Variants in STAP2 observed in about 807,000 individuals in gnomAD.
STAP2 encodes the protein signal transducing adaptor family member 2, also known as signal-transducing adaptor protein 2.
STAP2 carries 58 observed loss-of-function variants against 52.7 expected under a neutral mutation model. That is an observed-to-expected ratio of 1.10 (90% CI 0.89 to 1.37). The LOEUF is 1.37. Among genes scored for constraint, STAP2 ranks in the 40% most tolerant of loss-of-function variants. The probability of loss-of-function intolerance (pLI) is 0.00; values close to 1 mark genes in which losing one functional copy is unlikely to be tolerated. For missense variants in STAP2, 522 were observed against 519.4 expected (o/e 1.00, Z -0.05); for synonymous variants, 231 against 210.5 (o/e 1.10, Z -0.84).
chr19:4,333,368 C>T lies in STAP2; in HGVS notation c.297+326G>A, dbSNP rs62129310. 1.6e-4 allele frequency among the ~76,000 whole-genome samples: 24 copies of T among 151,640 alleles called. No individual in the cohort carries two copies. The East Asian group carries it at 1.8e-3, about 11-fold the overall frequency. On this transcript the variant is annotated intron_variant, in intron 3 of 12. Coordinates refer to ENST00000594605, the MANE Select transcript of STAP2 (RefSeq NM_001013841.2). ...AAAATTAGCCAGGAGTGGTTGCGTG[C>T]GCCTGTAATCCCAGCTACTTGGGAG...
chr19:4,337,640 A>G (rs1972001131), intron 1 of STAP2, among the ~76,000 whole-genome samples: 1 of 151,774 alleles, frequency 6.6e-6, no homozygotes, highest in Non-Finnish European at 1.5e-5. Context: ...TGAGGTCAAG[A>G]GTTCAAGACC....
chr19:4,324,440 C>T lies in STAP2; in HGVS notation c.1147+15G>A. 2 of 1,553,658 alleles carry T rather than the reference C, an allele frequency of 1.3e-6. No homozygotes were observed. The highest frequency in any genetic ancestry group is 1.9e-5 in the Admixed American group (1 of 53,022). On this transcript the variant is annotated intron_variant, in intron 12 of 12. Transcript: ENST00000594605. ...CTGGGAAGCCCGCCCCGCACTGACCCCGCAGACCCCTTACCGGCTGTGGGG... is the reference window on the plus strand; with the variant it reads ...CTGGGAAGCCCGCCCCGCACTGACCTCGCAGACCCCTTACCGGCTGTGGGG...
At chr19:4,335,497 C>T (rs1375562284) in intron 1 of STAP2, among the ~76,000 whole-genome samples, 1 of 152,092 alleles carries the variant, frequency 6.6e-6, no homozygotes, top group Non-Finnish European at 1.5e-5. Flanking sequence ...CTCTCAGCCA[C>T]CATCAAGCCC....
rs764013581 is a variant in STAP2 at position 4,327,387 on chromosome 19, T to C, written c.591-2A>G. On this transcript the variant is annotated splice_acceptor_variant, in intron 6 of 12. Transcript: ENST00000594605. LOFTEE classifies it high-confidence loss of function. ...TTGTAATGCCGGACCACGTGCGTCC[T>C]GCACCAGGAGAAAGCGAGTGAGTGG... 2.5e-6 allele frequency: 4 copies of C among 1,614,058 alleles called. No homozygotes were observed. Among genetic ancestry groups the C allele is most frequent in the South Asian group, 2.2e-5 (2 of 91,078 alleles).
chr19:4,338,296 G>T lies in STAP2; in HGVS notation c.102+356C>A, dbSNP rs528874720. 111 of 163,170 alleles carry T rather than the reference G, an allele frequency of 6.8e-4. 3 individuals carry two copies. The South Asian group carries it at 0.019, about 27-fold the overall frequency. 10.1% of individuals were successfully genotyped at this position (163,170 alleles called of 1,614,324 possible). ...GCGGGAGGAAGCTCGGGAGTCAGAGGACTCCCCATTTCCTGGAGGAAGTCC... is the reference window on the plus strand; with the variant it reads ...GCGGGAGGAAGCTCGGGAGTCAGAGTACTCCCCATTTCCTGGAGGAAGTCC... On this transcript the variant is annotated intron_variant, in intron 1 of 12. Transcript: ENST00000594605.
chr19:4,328,733 G>T lies in STAP2; in HGVS notation c.532C>A (p.Arg178=). ...CCGTCGGCGCCGTCCCCGCTGGGCC[G>T]CAGCAGCAGGTTCCCGCACTCGGGG... is the stretch of plus-strand genomic sequence containing the variant. ...RYPECGNLLL[R]PSGDGADGVS... Residue 178 remains arginine, a synonymous_variant, in exon 6 of 13, where the codon CGG becomes AGG. Coordinates refer to ENST00000594605, the MANE Select transcript of STAP2 (RefSeq NM_001013841.2). The T allele has an allele frequency of 6.2e-7, 1 of 1,607,998 alleles. No homozygotes were observed. The highest frequency in any genetic ancestry group is 1.1e-5 in the South Asian group (1 of 90,384).
intron 2 of STAP2, 61 bp downstream of exon 2, chr19:4,333,912 G>A: frequency 6.2e-7 from 1 of 1,611,002 alleles, no homozygotes; most frequent in Non-Finnish European, 8.5e-7. Flanking sequence ...CATCTACATT[G>A]TCTGCTTGGT....
At chr19:4,330,818 C>A (rs1429485355) in intron 4 of STAP2, among the ~76,000 whole-genome samples, 1 of 150,518 alleles carries the variant, frequency 6.6e-6, no homozygotes, top group African/African-American at 2.4e-5. Context: ...GGGTTCAAGC[C>A]ATTCTCCTGC....
intron 1 of STAP2, among the ~76,000 whole-genome samples, chr19:4,335,195 A>ATCATCCATCCATCCCTCATCCATCCG (rs1971962688): frequency 2.8e-5 from 4 of 141,852 alleles, no homozygotes; most frequent in Non-Finnish European, 6.1e-5. Flanking sequence ...TCATCCATCC[A>ATCATCCATCCATCCCTCATCCATCCG]TCATCCATCC....
At position 4,325,397 on chromosome 19, in the gene STAP2, A is replaced by G. The variant is rs748588601; in HGVS notation, c.978T>C (p.Asp326=). The change falls in exon 10 of 13, where the codon GAT becomes GAC. Residue 326 remains aspartate (D), a splice_region_variant and synonymous_variant. Coordinates refer to ENST00000594605, the MANE Select transcript of STAP2 (RefSeq NM_001013841.2). ...DGPAVDYENQ[D]VASSSWPVIL... The stretch of plus-strand genomic sequence containing the variant: ...TCAGCAGCTCTGTTCCCCACCCACC[A>G]TCTTGGTTCTCATAGTCAACAGCTG... 5 of 1,613,812 alleles carry G rather than the reference A, an allele frequency of 3.1e-6. No homozygotes were observed. The African/African-American group carries it at 5.3e-5, about 17-fold the overall frequency.
chr19:4,329,962 AG>A lies in STAP2; in HGVS notation c.453del (p.Ser152ArgfsTer4), dbSNP rs768075471. 19 of 1,612,142 alleles carry A rather than the reference AG, an allele frequency of 1.2e-5. No individual in the cohort carries two copies. The highest frequency in any genetic ancestry group is 1.5e-5 in the Non-Finnish European group (18 of 1,179,222). On this transcript the variant is annotated frameshift_variant and splice_region_variant, in exon 5 of 13. Coordinates refer to ENST00000594605, the MANE Select transcript of STAP2 (RefSeq NM_001013841.2). LOFTEE classifies it high-confidence loss of function. Reference protein sequence around the residue: ...KEEARRALETPSCFLKVSRLE... With the variant: ...KEEARRALETXSCFLKVSRLE... ...CCTCGGGACAGGCGGGACACTCACG[AG>A]GGTGTCTCCAGTGCACGGCGCGCCT...
At chr19:4,338,579 GACA>G in intron 1 of STAP2, 70 bp downstream of exon 1, 1 of 1,175,524 alleles carries the variant, frequency 8.5e-7, no homozygotes, top group Non-Finnish European at 1.2e-6. Context: ...CGAGTGGGGA[GACA>G]GGGACTCAGA....
At chr19:4,337,378 C>A (rs577753519) in intron 1 of STAP2, among the ~76,000 whole-genome samples, 1 of 150,330 alleles carries the variant, frequency 6.7e-6, no homozygotes, top group Non-Finnish European at 1.5e-5. Flanking sequence ...ATCACAGGCA[C>A]GCACCACCAC....
chr19:4,338,604 GCT>G (rs1972017820), intron 1 of STAP2, 46 bp downstream of exon 1: 2 of 1,099,960 alleles, frequency 1.8e-6, no homozygotes, highest in Non-Finnish European at 2.5e-6. Context: ...AGGTGCCGCA[GCT>G]CCCCACGGTG....
chr19:4,338,789 C>T lies in STAP2; in HGVS notation c.-36G>A. On this transcript the variant is annotated 5_prime_UTR_variant, in exon 1 of 13. Coordinates refer to ENST00000594605, the MANE Select transcript of STAP2 (RefSeq NM_001013841.2). Reference sequence around the variant, plus strand: ...GGGTCTTCCGCCTGGCCTCTCCTTCCAGTGGGTGCCCCAGCTGGGCCGGGA... The same window carrying T: ...GGGTCTTCCGCCTGGCCTCTCCTTCTAGTGGGTGCCCCAGCTGGGCCGGGA... The T allele has an allele frequency of 6.3e-7, 1 of 1,589,010 alleles. No individual in the cohort carries two copies. Among genetic ancestry groups the T allele is most frequent in the East Asian group, 2.3e-5 (1 of 44,098 alleles).
At position 4,327,238 on chromosome 19, in the gene STAP2, TGGG is replaced by T. The variant is rs776561071; in HGVS notation, c.661-15_661-13del. ...GAGGTGCAAGAGAACTGGGGGCAGA[TGGG>T]GGAGCGGTCAGGCTGCTGGAGAAGG... On this transcript the variant is annotated splice_polypyrimidine_tract_variant and intron_variant, in intron 7 of 12. Transcript: ENST00000594605. 2.2e-5 allele frequency: 35 copies of T among 1,613,888 alleles called. No individual in the cohort carries two copies. The East Asian group carries it at 2.4e-4, about 11-fold the overall frequency.
chr19:4,327,919 A>G (rs369412200), intron 6 of STAP2, among the ~76,000 whole-genome samples: 1 of 151,282 alleles, frequency 6.6e-6, no homozygotes, highest in Admixed American at 6.6e-5. Flanking sequence ...AGCCCTACTC[A>G]ACTTCCAAAA....
intron 4 of STAP2, among the ~76,000 whole-genome samples, chr19:4,330,540 CAAAA>C (rs1201004457): frequency 2.7e-5 from 3 of 109,828 alleles, no homozygotes; most frequent in African/African-American, 3.4e-5. Flanking sequence ...CCAACCCCAC[CAAAA>C]AAAAAAAAAA....
chr19:4,332,550 T>C (rs1309767725), intron 3 of STAP2, among the ~76,000 whole-genome samples: 1 of 151,912 alleles, frequency 6.6e-6, no homozygotes, highest in African/African-American at 2.4e-5. Flanking sequence ...TTGAAAAACA[T>C]AGATCAGGCT....
Sources: gnomAD v4.1 joint callset for allele counts (sites outside exome capture counted in the v4.1 genomes callset) on GRCh38, gnomAD v4.1.1 for gene constraint, MANE v1.5 for transcripts, NCBI Gene and HGNC (gene_info 2026-07-23, HGNC 2026-07-21) for gene names.